Variants in CTC1 observed in about 807,000 individuals in gnomAD.
CTC1 encodes CST complex subunit CTC1.
CTC1 carries 91 observed loss-of-function variants against 136.3 expected under a neutral mutation model. The ratio of observed to expected loss-of-function variants is 0.67; its 90% CI spans 0.56 to 0.79. The LOEUF (loss-of-function observed/expected upper bound fraction) is 0.79, where lower values mean the gene tolerates loss of function less well. CTC1 is among the 30% of genes least tolerant of loss of function. The probability of loss-of-function intolerance (pLI) is 0.00; values close to 1 mark genes in which losing one functional copy is unlikely to be tolerated. For missense variants in CTC1, 1,432 were observed against 1,498.1 expected (o/e 0.96, Z 0.73); for synonymous variants, 606 against 613.8 (o/e 0.99, Z 0.19).
At chr17:8,240,650 C>T (rs369293717) in intron 2 of CTC1, among the ~76,000 whole-genome samples, 6 of 148,308 alleles carry the variant, frequency 4.0e-5, no homozygotes, top group South Asian at 4.4e-4. Context: ...GAGGCCGAGG[C>T]GGGAGGATCA....
Position 8,227,807 on chromosome 17 carries a change from GTA to G in CTC1, c.*371_*372del, listed in dbSNP as rs1986852319. ...AGGAGGCCTGGGACCCCAGAGATGAGTACCAGTGAGAAATGACACCAGAGGGC... is the reference window on the plus strand; with the variant it reads ...AGGAGGCCTGGGACCCCAGAGATGAGCCAGTGAGAAATGACACCAGAGGGC... On this transcript the variant is annotated 3_prime_UTR_variant, in exon 23 of 23. Coordinates refer to ENST00000651323, the MANE Select transcript of CTC1 (RefSeq NM_025099.6). 3 of 177,350 alleles carry G rather than the reference GTA, an allele frequency of 1.7e-5. No homozygotes were observed. Among genetic ancestry groups the G allele is most frequent in the Admixed American group, 5.5e-5 (1 of 18,240 alleles). 11.0% of individuals were successfully genotyped at this position (177,350 alleles called of 1,614,324 possible).
intron 12 of CTC1, 37 bp downstream of exon 12, chr17:8,232,324 C>G (rs1403677273): frequency 6.3e-7 from 1 of 1,599,858 alleles, no homozygotes; most frequent in Non-Finnish European, 8.5e-7. Flanking sequence ...CTTCCTTCCC[C>G]CCAGACTCAA....
Position 8,229,211 on chromosome 17 carries a change from G to A in CTC1, c.3157-5C>T. On this transcript the variant is annotated splice_polypyrimidine_tract_variant and splice_region_variant and intron_variant, in intron 19 of 22. Transcript: ENST00000651323. ...GCCCAGGCGAGTGCACTTTCCCTGG[G>A]ATGAAGACAGTGGTTGGAAAAGTCC... 1 of 1,614,192 alleles carries A rather than the reference G, an allele frequency of 6.2e-7. No individual in the cohort carries two copies. The highest frequency in any genetic ancestry group is 1.7e-5 in the Admixed American group (1 of 60,016).
rs963962577 is a variant in CTC1 at position 8,234,472 on chromosome 17, C to T, written c.1801G>A (p.Ala601Thr). 5.8e-6 allele frequency: 9 copies of T among 1,552,112 alleles called. No homozygotes were observed. The Admixed American group carries it at 1.6e-4, about 27-fold the overall frequency. Residue 601 changes from alanine (A) to threonine (T), a missense_variant, in exon 10 of 23, where the codon GCC (alanine) becomes ACC (threonine). By Grantham distance (58) the Ala-to-Thr change is moderately conservative. Coordinates refer to ENST00000651323, the MANE Select transcript of CTC1 (RefSeq NM_025099.6). Reference protein sequence around the residue: ...AWSWLCLLPSAFCPAQVLLGV... With the variant: ...AWSWLCLLPSTFCPAQVLLGV... ...CCCCTTACCTGGGCTGGGCAGAAGGCAGAGGGCAGCAGACAGAGCCAGGAC... is the reference window on the plus strand; with the variant it reads ...CCCCTTACCTGGGCTGGGCAGAAGGTAGAGGGCAGCAGACAGAGCCAGGAC...
At chr17:8,246,231 G>A (rs1372020569) in intron 1 of CTC1, among the ~76,000 whole-genome samples, 1 of 148,492 alleles carries the variant, frequency 6.7e-6, no homozygotes, top group Non-Finnish European at 1.5e-5. Context: ...AAAAAAAAAG[G>A]AGGGAGGAAG....
Position 8,243,156 on chromosome 17 carries a change from A to G in CTC1, c.34-8T>C. On this transcript the variant is annotated splice_region_variant and splice_polypyrimidine_tract_variant and intron_variant, in intron 1 of 22. Coordinates refer to ENST00000651323, the MANE Select transcript of CTC1 (RefSeq NM_025099.6). ...CTCAAGCCAGGCTTGTTCCTGAGGA[A>G]AGTGAATTTAGTTAAAACATCTTGA... The G allele has an allele frequency of 6.2e-7, 1 of 1,609,594 alleles. No individual in the cohort carries two copies. The highest frequency in any genetic ancestry group is 8.5e-7 in the Non-Finnish European group (1 of 1,178,240).
At chr17:8,230,152 C>T in intron 17 of CTC1, 142 bp downstream of exon 17, 3 of 1,003,940 alleles carry the variant, frequency 3.0e-6, no homozygotes, top group Non-Finnish European at 4.4e-6. Context: ...CGTGAGGGTA[C>T]TGGCTGGGCA....
At chr17:8,232,545 C>A in intron 11 of CTC1, 70 bp from the exon 12 acceptor site, 1 of 1,296,682 alleles carries the variant, frequency 7.7e-7, no homozygotes, top group South Asian at 1.3e-5. Context: ...GCAAACCATC[C>A]TACCGGCCTC....
chr17:8,231,497 TGTGA>T, intron 14 of CTC1, 28 bp from the exon 15 acceptor site: 2 of 1,571,640 alleles, frequency 1.3e-6, no homozygotes, highest in Non-Finnish European at 1.7e-6. Flanking sequence ...GACGACTGCC[TGTGA>T]GTGTGTGCTA....
In CTC1 at chr17:8,227,964, T is replaced by A; in HGVS notation, c.*216A>T. The A allele has an allele frequency of 1.9e-6, 1 of 526,660 alleles. No homozygotes were observed. Among genetic ancestry groups the A allele is most frequent in the Non-Finnish European group, 3.4e-6 (1 of 292,994 alleles). 32.6% of individuals were successfully genotyped at this position (526,660 alleles called of 1,614,324 possible). ...TGTGAATGCAGGTGCCTTGTCCCAA[T>A]CAGAGGACATATTAATAGGGCCATG... On this transcript the variant is annotated 3_prime_UTR_variant, in exon 23 of 23. Transcript: ENST00000651323.
rs1384091938 is a variant in CTC1, at chr17:8,228,766, T to C, written c.3348A>G (p.Arg1116=). 1 of 1,613,996 alleles carries C rather than the reference T, an allele frequency of 6.2e-7. No homozygotes were observed. Among genetic ancestry groups the C allele is most frequent in the African/African-American group, 1.3e-5 (1 of 74,900 alleles). ...SLLDFVQVPG[R]VVLQFAGPGA... ...CAGGCCCTGCAAACTGCAAGACCACTCTGCCTGGCACTTGGACGAAATCTA... is the reference window on the plus strand; with the variant it reads ...CAGGCCCTGCAAACTGCAAGACCACCCTGCCTGGCACTTGGACGAAATCTA... Residue 1116 remains arginine, a synonymous_variant, in exon 21 of 23, where the codon AGA becomes AGG. Transcript: ENST00000651323.
intron 1 of CTC1, among the ~76,000 whole-genome samples, chr17:8,247,305 C>CTTTTT (rs772948223): frequency 2.7e-4 from 25 of 91,264 alleles, no homozygotes; most frequent in Admixed American, 4.2e-4. Context: ...CCTTCCGGCG[C>CTTTTT]TTTTTTTTTT....
Position 8,235,036 on chromosome 17 carries a change from G to A in CTC1, c.1439+17C>T, listed in dbSNP as rs1467120986. ...TACTCCCACTGCCTCCCCGCCCTGG[G>A]CCCTCAGCCTCCTCACTTGCAGGCC... is the stretch of plus-strand genomic sequence containing the variant. On this transcript the variant is annotated intron_variant, in intron 8 of 22. Transcript: ENST00000651323. The A allele has an allele frequency of 1.9e-6, 3 of 1,612,436 alleles. No individual in the cohort carries two copies. Among genetic ancestry groups the A allele is most frequent in the East Asian group, 2.2e-5 (1 of 44,864 alleles).
chr17:8,226,311 A>G lies in CTC1; in HGVS notation c.*1869T>C, dbSNP rs1005867893. On this transcript the variant is annotated 3_prime_UTR_variant, in exon 23 of 23. Transcript: ENST00000651323. ...TTAACCAACTAAGCCACGGCGCCGA[A>G]GCTGCCATAAAGGTTCCTGAAATTC... 1 of 152,240 alleles carries G rather than the reference A, an allele frequency of 6.6e-6. No homozygotes were observed. Among genetic ancestry groups the G allele is most frequent in the African/African-American group, 2.4e-5 (1 of 41,448 alleles). 9.4% of individuals were successfully genotyped at this position (152,240 alleles called of 1,614,324 possible). A position where few individuals can be genotyped will look rare whatever the true frequency, so the allele number is the denominator to read the frequency against.
intron 2 of CTC1, among the ~76,000 whole-genome samples, chr17:8,242,548 AAAAAAATAT>A (rs1312373061): frequency 2.3e-4 from 18 of 79,444 alleles, no homozygotes; most frequent in African/African-American, 6.3e-4. Context: ...AAAAAAAAAA[AAAAAAATAT>A]ATATATATAT....
chr17:8,242,771 C>T (rs1172138139), intron 2 of CTC1, among the ~76,000 whole-genome samples: 1 of 151,892 alleles, frequency 6.6e-6, no homozygotes, highest in Non-Finnish European at 1.5e-5. Flanking sequence ...CCCTCTTCCT[C>T]TCTTTTTCTT....
rs544926774 is a variant in CTC1, at chr17:8,236,509, T to C, written c.793-167A>G. On this transcript the variant is annotated intron_variant, in intron 5 of 22. Transcript: ENST00000651323. ...CAACTAAATCTTAGCGTCTCTCCTC[T>C]CTCACAGGAGATGCCAAATATTTCC... 5.3e-4 allele frequency among the ~76,000 whole-genome samples: 81 copies of C among 152,132 alleles called. 1 individual carries two copies. The highest frequency in any genetic ancestry group is 1.8e-3 in the African/African-American group (76 of 41,534).
rs1987859800 is a variant in CTC1 at position 8,237,694 on chromosome 17, A to G, written c.648-175T>C. ...AAAAAAAAAAAAAAAAAAAAAAAAA[A>G]AAAAAAAAGCAGCAGCAGTCATCTT... On this transcript the variant is annotated intron_variant, in intron 4 of 22. Transcript: ENST00000651323. Among the ~76,000 whole-genome samples the G allele has an allele frequency of 2.2e-5, 3 of 135,324 alleles. No individual in the cohort carries two copies. The South Asian group carries it at 7.0e-4, about 32-fold the overall frequency. 88.8% of individuals were successfully genotyped at this position (135,324 alleles called of 152,430 possible). A position where few individuals can be genotyped will look rare whatever the true frequency, so the allele number is the denominator to read the frequency against.
chr17:8,229,345 T>G lies in CTC1; in HGVS notation c.3113A>C (p.Gln1038Pro), dbSNP rs1486092046. 6.2e-7 allele frequency: 1 copy of G among 1,614,160 alleles called. No individual in the cohort carries two copies. The highest frequency in any genetic ancestry group is 8.5e-7 in the Non-Finnish European group (1 of 1,180,030). ...SCHIVSVFSL[Q>P]LFWVCAYCTS... ...ACAATAAGCACACACCCAGAAGAGC[T>G]GAAGGCTGAAGACAGAGACGATATG... Residue 1038 changes from glutamine (Q) to proline (P), a missense_variant, in exon 19 of 23, where the codon CAG becomes CCG. Transcript: ENST00000651323.
Sources: allele counts gnomAD v4.1 joint callset (sites outside exome capture counted in the v4.1 genomes callset), GRCh38; gene constraint gnomAD v4.1.1; transcripts MANE v1.5; gene names NCBI Gene and HGNC (gene_info 2026-07-23, HGNC 2026-07-21).